Variants in NOTCH1 observed in about 807,000 individuals in gnomAD.
NOTCH1 encodes neurogenic locus notch homolog protein 1.
Under a neutral mutation model 254.8 loss-of-function variants are expected in NOTCH1, and 37 were observed. The observed-to-expected ratio is 0.15, with a 90% CI of 0.11 to 0.19. The LOEUF (loss-of-function observed/expected upper bound fraction) is 0.19. NOTCH1 is among the 10% of genes least tolerant of loss of function. The probability of loss-of-function intolerance (pLI) is 1.00; values close to 1 mark genes in which losing one functional copy is unlikely to be tolerated. For missense variants in NOTCH1, 2,972 were observed against 3,708.6 expected (o/e 0.80, Z 5.16); for synonymous variants, 1,731 against 1,618.1 (o/e 1.07, Z -1.68).
At chr9:136,543,601 GAGGAGGCATCACCTGTGCCC>G (rs955066100) in intron 2 of NOTCH1, 5 of 362,538 alleles carry the variant, frequency 1.4e-5, no homozygotes, top group South Asian at 6.5e-5. Context: ...TCACCCCCGA[GAGGAGGCATCACCTGTGCCC>G]AGGAGGCATC....
At chr9:136,516,222 C>T in intron 9 of NOTCH1, 128 bp from the exon 10 acceptor site, 1 of 692,010 alleles carries the variant, frequency 1.4e-6, no homozygotes, top group South Asian at 1.6e-5. Flanking sequence ...CTGAGCTCAG[C>T]CAGCTCCAGC....
chr9:136,543,461 A>C (rs1340063239), intron 2 of NOTCH1: 2 of 229,848 alleles, frequency 8.7e-6, no homozygotes, highest in Non-Finnish European at 1.7e-5. Flanking sequence ...TGCCCAGAGG[A>C]GGCATTGCCG....
intron 5 of NOTCH1, among the ~76,000 whole-genome samples, 167 bp downstream of exon 5, chr9:136,519,276 G>A (rs1843328462): frequency 6.6e-6 from 1 of 152,232 alleles, no homozygotes. Flanking sequence ...CCAGACCCTG[G>A]CCACGGGAAG....
At chr9:136,529,996 G>A (rs1464725065) in intron 2 of NOTCH1, among the ~76,000 whole-genome samples, 3 of 100,562 alleles carry the variant, frequency 3.0e-5, no homozygotes, top group Non-Finnish European at 4.5e-5. Context: ...CTGCACGGGG[G>A]CCCTGCCCTG....
intron 33 of NOTCH1, among the ~76,000 whole-genome samples, chr9:136,497,809 C>CG (rs1564568993): frequency 6.6e-6 from 1 of 152,184 alleles, no homozygotes; most frequent in Non-Finnish European, 1.5e-5. Flanking sequence ...CCTAGATCAG[C>CG]GGGGCTCCAC....
rs1374286948 is a variant in NOTCH1 at position 136,510,092 on chromosome 9, A to C, written c.2741-131T>G. ...CGAGGCTGCGGCAAGCAGCCCTGTG[A>C]CAAAGGTGTCTGGTGGGGAGCCCCA... is the stretch of plus-strand genomic sequence containing the variant. On this transcript the variant is annotated intron_variant, in intron 17 of 33. Transcript: ENST00000651671. The C allele has an allele frequency of 3.5e-6, 3 of 846,656 alleles. No homozygotes were observed. The African/African-American group carries it at 5.0e-5, about 14-fold the overall frequency. 52.4% of individuals were successfully genotyped at this position (846,656 alleles called of 1,614,324 possible).
chr9:136,505,326 C>T lies in NOTCH1; in HGVS notation c.4570G>A (p.Ala1524Thr), dbSNP rs761886358. Reference sequence around the variant, plus strand: ...CAGCCTTACTTGCACTGGCCTTCCGCACGCTGGCAGTCAAAGCCGTCGAAG... The same window carrying T: ...CAGCCTTACTTGCACTGGCCTTCCGTACGCTGGCAGTCAAAGCCGTCGAAG... ...CLFDGFDCQRAEGQCNPLYDQ... is the reference protein window; with the variant it reads ...CLFDGFDCQRTEGQCNPLYDQ... Residue 1524 changes from alanine (A) to threonine (T), a missense_variant, in exon 25 of 34, where the codon GCG becomes ACG. Ala to Thr is a moderately conservative substitution (Grantham distance 58). This residue lies in a region of NOTCH1 where 1,343 missense variants were observed against 1,557.0 expected (regional missense o/e 0.86). Coordinates refer to ENST00000651671, the MANE Select transcript of NOTCH1 (RefSeq NM_017617.5). 6.3e-7 allele frequency: 1 copy of T among 1,583,258 alleles called. No individual in the cohort carries two copies.
intron 17 of NOTCH1, 65 bp downstream of exon 17, chr9:136,510,588 C>T: frequency 6.4e-7 from 1 of 1,555,886 alleles, no homozygotes. Flanking sequence ...TGCGCACCAA[C>T]CCTGCCCGGG....
rs1843720578 is a variant in NOTCH1, at chr9:136,540,691, AG to A, written c.140+3332del. Among the ~76,000 whole-genome samples the A allele has an allele frequency of 6.6e-6, 1 of 152,080 alleles. No homozygotes were observed. The highest frequency in any genetic ancestry group is 2.4e-5 in the African/African-American group (1 of 41,388). ...ACCCAAGGTCACAGAGCTAGTGGCCAGGCCAGGCCTCAGACACGAGGTTGTC... is the reference window on the plus strand; with the variant it reads ...ACCCAAGGTCACAGAGCTAGTGGCCAGCCAGGCCTCAGACACGAGGTTGTC... On this transcript the variant is annotated intron_variant, in intron 2 of 33. Coordinates refer to ENST00000651671, the MANE Select transcript of NOTCH1 (RefSeq NM_017617.5). The surrounding 1 kb of genome is among the most constrained non-coding windows in gnomAD (Gnocchi z 4.4).
At position 136,508,219 on chromosome 9, in the gene NOTCH1, C is replaced by A. The variant is rs751265195; in HGVS notation, c.3325+13G>T. On this transcript the variant is annotated intron_variant, in intron 20 of 33. Coordinates refer to ENST00000651671, the MANE Select transcript of NOTCH1 (RefSeq NM_017617.5). ...TGGGCTGGGACCCGAGCTGGGTGGG[C>A]ACAGCAGGTTACCTTGTCGCTGCGC... 2 of 1,610,428 alleles carry A rather than the reference C, an allele frequency of 1.2e-6. No individual in the cohort carries two copies.
At chr9:136,508,793 T>G (rs1589061275) in intron 19 of NOTCH1, 77 bp downstream of exon 19, 1 of 1,395,922 alleles carries the variant, frequency 7.2e-7, no homozygotes, top group Non-Finnish European at 9.7e-7. Flanking sequence ...GGACCTGGGG[T>G]GACCGTTCCC....
rs374103443 is a variant in NOTCH1, at chr9:136,501,910, C to T, written c.5476G>A (p.Glu1826Lys). The change falls in exon 30 of 34, where the codon GAG becomes AAG. Residue 1826 changes from glutamate (E) to lysine (K), a missense_variant. By Grantham distance (56) the Glu-to-Lys change is moderately conservative. Transcript: ENST00000651671. The part of the protein sequence containing the change: ...EDLETKKFRF[E>K]EPVVLPDLDD... The stretch of plus-strand genomic sequence containing the variant: ...AGGTCAGGCAGAACCACGGGCTCCT[C>T]GAACTACATAGAGGGAGTGAGCAGA... 1.1e-5 allele frequency: 17 copies of T among 1,611,530 alleles called. No homozygotes were observed. Among genetic ancestry groups the T allele is most frequent in the Middle Eastern group, 1.6e-4 (1 of 6,084 alleles).
Position 136,546,019 on chromosome 9 carries a change from T to C in NOTCH1, c.-233A>G, listed in dbSNP as rs565108474. Among the ~76,000 whole-genome samples, 19 of 148,186 alleles carry C rather than the reference T, an allele frequency of 1.3e-4. No individual in the cohort carries two copies. The highest frequency in any genetic ancestry group is 2.5e-4 in the Non-Finnish European group (17 of 66,818). ...GCCCGCGCCCCGCGCCCCGCGCCCT[T>C]GCGCTCCCTCCCGCGGCCGAGGCAC... On this transcript the variant is annotated 5_prime_UTR_variant, in exon 1 of 34. Transcript: ENST00000651671.
chr9:136,503,444 T>A, intron 26 of NOTCH1, 114 bp from the exon 27 acceptor site: 1 of 1,508,804 alleles, frequency 6.6e-7, no homozygotes, highest in Non-Finnish European at 9.1e-7. Flanking sequence ...CAGGACATGG[T>A]GAGGCAGCCT....
At chr9:136,527,676 G>A (rs1045869585) in intron 2 of NOTCH1, among the ~76,000 whole-genome samples, 2 of 152,284 alleles carry the variant, frequency 1.3e-5, no homozygotes, top group African/African-American at 2.4e-5. Flanking sequence ...CCCAACCCAC[G>A]CCAGGTGTGC....
rs377686947 is a variant in NOTCH1 at position 136,515,735 on chromosome 9, G to A, written c.1670-19C>T. 296 of 1,529,812 alleles carry A rather than the reference G, an allele frequency of 1.9e-4. 2 individuals carry two copies. The highest frequency in any genetic ancestry group is 3.5e-4 in the South Asian group (29 of 83,886). 94.8% of individuals were successfully genotyped at this position (1,529,812 alleles called of 1,614,324 possible). On this transcript the variant is annotated intron_variant, in intron 10 of 33. Transcript: ENST00000651671. The stretch of plus-strand genomic sequence containing the variant: ...GTGTACCCTGGACCGTGGGAGGGGC[G>A]GGCACAGGAAGACTTAGGACTGGCG...
In NOTCH1 at chr9:136,509,719, C is replaced by G. The variant is rs112192550; in HGVS notation, c.2969+14G>C. 1 of 1,610,742 alleles carries G rather than the reference C, an allele frequency of 6.2e-7. No homozygotes were observed. Among genetic ancestry groups the G allele is most frequent in the Non-Finnish European group, 8.5e-7 (1 of 1,178,124 alleles). On this transcript the variant is annotated intron_variant, in intron 18 of 33. Coordinates refer to ENST00000651671, the MANE Select transcript of NOTCH1 (RefSeq NM_017617.5). The stretch of plus-strand genomic sequence containing the variant: ...GCCCGTTCCCTTCCACGGCCTCACT[C>G]GAGCCCCGCACACCTCTCTGTGCAG...
rs1287536972 is a variant in NOTCH1, at chr9:136,545,787, G to A, written c.-1C>T. On this transcript the variant is annotated 5_prime_UTR_variant, in exon 1 of 34. Coordinates refer to ENST00000651671, the MANE Select transcript of NOTCH1 (RefSeq NM_017617.5). The surrounding 1 kb of genome is among the most constrained non-coding windows in gnomAD (Gnocchi z 6.8). ...GCAGGGGCGCCAGGAGCGGCGGCAT[G>A]CCTCCCCACCGGCTGCCCTCTGCGC... The A allele has an allele frequency of 1.5e-6, 2 of 1,337,648 alleles. No individual in the cohort carries two copies. Among genetic ancestry groups the A allele is most frequent in the African/African-American group, 3.1e-5 (2 of 64,976 alleles). 82.9% of individuals were successfully genotyped at this position (1,337,648 alleles called of 1,614,324 possible). A position where few individuals can be genotyped will look rare whatever the true frequency, so the allele number is the denominator to read the frequency against.
chr9:136,531,964 G>C (rs974942397), intron 2 of NOTCH1, among the ~76,000 whole-genome samples: 2 of 152,248 alleles, frequency 1.3e-5, no homozygotes, highest in Non-Finnish European at 2.9e-5. Flanking sequence ...CCGCTCGCCT[G>C]CCGGCCCAGT....
Sources: allele counts gnomAD v4.1 joint callset (sites outside exome capture counted in the v4.1 genomes callset), GRCh38; gene constraint gnomAD v4.1.1; regional missense constraint gnomAD v4.1.1; non-coding constraint Gnocchi (gnomAD v3.1); transcripts MANE v1.5; gene names NCBI Gene and HGNC (gene_info 2026-07-23, HGNC 2026-07-21).